The following NEK7 variants were observed in gnomAD, a reference collection of about 807,000 sequenced individuals.
NEK7 encodes the protein NIMA related kinase 7.
Under a neutral mutation model 44.6 loss-of-function variants are expected in NEK7, and 18 were observed. The ratio of observed to expected loss-of-function variants is 0.40; its 90% CI spans 0.28 to 0.60. The LOEUF is 0.60. Ranked by LOEUF, NEK7 falls within the 20% of genes least tolerant of loss-of-function variation. The pLI is 0.38. For missense variants in NEK7, 256 were observed against 366.5 expected (o/e 0.70, Z 2.46); for synonymous variants, 130 against 121.1 (o/e 1.07, Z -0.48).
chr1:198,227,582 T>C (rs966572315), intron 1 of NEK7, among the ~76,000 whole-genome samples: 6 of 152,274 alleles, frequency 3.9e-5, no homozygotes, highest in Admixed American at 6.5e-5. Context: ...GAGATGGTAT[T>C]TCATTGTGGT....
rs59463396 is a variant in NEK7, at chr1:198,271,924, T to TAC, written c.373-6019_373-6018dup. 6.1e-3 allele frequency among the ~76,000 whole-genome samples: 816 copies of TAC among 134,552 alleles called. 3 individuals carry two copies. The highest frequency in any genetic ancestry group is 9.0e-3 in the Admixed American group (116 of 12,850). 88.3% of individuals were successfully genotyped at this position (134,552 alleles called of 152,430 possible). On this transcript the variant is annotated intron_variant, in intron 5 of 9. Transcript: ENST00000367385. ...TATATTTTATATATATATATATATA[T>TAC]ACACACACACACACACACATAGATA...
intron 9 of NEK7, among the ~76,000 whole-genome samples, chr1:198,304,711 C>T (rs946949245): frequency 1.3e-5 from 2 of 152,226 alleles, no homozygotes; most frequent in Middle Eastern, 3.4e-3. Context: ...TTTAATATTT[C>T]TGGTATCAAC....
At chr1:198,250,361 G>A (rs1310565020) in intron 2 of NEK7, among the ~76,000 whole-genome samples, 3 of 126,092 alleles carry the variant, frequency 2.4e-5, no homozygotes, top group East Asian at 4.5e-4. Flanking sequence ...TTGGCGATGC[G>A]GGCTCTTTTT....
intron 3 of NEK7, among the ~76,000 whole-genome samples, chr1:198,257,223 G>C (rs1008114435): frequency 6.6e-6 from 1 of 152,006 alleles, no homozygotes; most frequent in Non-Finnish European, 1.5e-5. Context: ...ATATTGTTCA[G>C]ATTTACCTTT....
At chr1:198,178,162 G>A (rs1664660118) in intron 1 of NEK7, among the ~76,000 whole-genome samples, 1 of 151,956 alleles carries the variant, frequency 6.6e-6, no homozygotes, top group Non-Finnish European at 1.5e-5. Flanking sequence ...AAACACAGAG[G>A]AGTAGCAATA....
intron 7 of NEK7, among the ~76,000 whole-genome samples, chr1:198,285,660 A>G (rs1654344984): frequency 6.6e-6 from 1 of 151,984 alleles, no homozygotes; most frequent in South Asian, 2.1e-4. Flanking sequence ...TCATTGGCCA[A>G]AACAGATCTC....
chr1:198,231,301 GTATATATATATA>G (rs749263549), intron 1 of NEK7, among the ~76,000 whole-genome samples: 1,912 of 86,962 alleles, frequency 0.022, 68 homozygotes, highest in African/African-American at 0.089. Flanking sequence ...ATGTGTGTGT[GTATATATATATA>G]TATATATATA....
At position 198,251,411 on chromosome 1, in the gene NEK7, C is replaced by T. The variant is rs1413864436; in HGVS notation, c.58-1629C>T. Among the ~76,000 whole-genome samples the T allele has an allele frequency of 6.2e-5, 8 of 130,032 alleles. 2 individuals are homozygous for T. In the East Asian group the frequency reaches 4.2e-3, roughly 68 times the overall value. 85.3% of individuals were successfully genotyped at this position (130,032 alleles called of 152,430 possible). ...CTCATAAAATGAGTTAGGGAGGATT[C>T]TCTCTTTTTCTGTTGATTGGAATAG... On this transcript the variant is annotated intron_variant, in intron 2 of 9. Transcript: ENST00000367385.
chr1:198,213,173 G>T (rs1316910567), intron 1 of NEK7, among the ~76,000 whole-genome samples: 1 of 152,204 alleles, frequency 6.6e-6, no homozygotes, highest in Non-Finnish European at 1.5e-5. Flanking sequence ...AGTCATAGAA[G>T]GATTCACAGT....
chr1:198,236,085 G>C (rs1217133825), intron 2 of NEK7, among the ~76,000 whole-genome samples: 3 of 152,020 alleles, frequency 2.0e-5, no homozygotes, highest in Non-Finnish European at 1.5e-5. Context: ...GCATGTTCAG[G>C]GTAGTAATCA....
At chr1:198,255,345 G>C (rs1444870039) in intron 3 of NEK7, among the ~76,000 whole-genome samples, 1 of 152,152 alleles carries the variant, frequency 6.6e-6, no homozygotes, top group East Asian at 1.9e-4. Context: ...TGTCAAGATG[G>C]GAGGTTGGAT....
chr1:198,295,565 A>C (rs1654689632), intron 8 of NEK7, among the ~76,000 whole-genome samples: 1 of 152,116 alleles, frequency 6.6e-6, no homozygotes, highest in Non-Finnish European at 1.5e-5. Flanking sequence ...TCATCTGTCA[A>C]AGCAGGAGAT....
intron 1 of NEK7, among the ~76,000 whole-genome samples, chr1:198,169,165 T>C (rs1490491029): frequency 1.3e-5 from 2 of 152,180 alleles, no homozygotes; most frequent in African/African-American, 4.8e-5. Context: ...ATTAATAGTT[T>C]ATGGATATAA....
intron 2 of NEK7, 118 bp from the exon 3 acceptor site, chr1:198,252,922 G>C: frequency 1.3e-6 from 1 of 780,008 alleles, no homozygotes; most frequent in Non-Finnish European, 2.1e-6. Context: ...GTTGTTGAGT[G>C]AATGGATGTC....
At chr1:198,305,509 G>C (rs1654999201) in intron 9 of NEK7, among the ~76,000 whole-genome samples, 1 of 151,976 alleles carries the variant, frequency 6.6e-6, no homozygotes, top group African/African-American at 2.4e-5. Flanking sequence ...AAAACTTAGA[G>C]GTATTTCTTA....
chr1:198,172,605 G>A (rs554381557), intron 1 of NEK7, among the ~76,000 whole-genome samples: 1 of 152,330 alleles, frequency 6.6e-6, no homozygotes, highest in Non-Finnish European at 1.5e-5. Context: ...GAGACAGTCA[G>A]ATAGGTCCTC....
At chr1:198,290,856 G>A (rs1654531658) in intron 7 of NEK7, among the ~76,000 whole-genome samples, 1 of 152,086 alleles carries the variant, frequency 6.6e-6, no homozygotes, top group Non-Finnish European at 1.5e-5. Context: ...TAAAGTATCA[G>A]TGTTAACTGA....
chr1:198,209,326 TG>T (rs1241130266), intron 1 of NEK7, among the ~76,000 whole-genome samples: 1 of 152,068 alleles, frequency 6.6e-6, no homozygotes, highest in Non-Finnish European at 1.5e-5. Context: ...TGCAAAGTGA[TG>T]TTTTTTATTT....
intron 9 of NEK7, among the ~76,000 whole-genome samples, chr1:198,303,726 A>T (rs769015466): frequency 7.6e-4 from 116 of 152,274 alleles, no homozygotes; most frequent in Non-Finnish European, 1.4e-3. Flanking sequence ...TCCCAAGATT[A>T]TTTAAAAGAA....
Sources: allele counts gnomAD v4.1 joint callset (sites outside exome capture counted in the v4.1 genomes callset), GRCh38; gene constraint gnomAD v4.1.1; transcripts MANE v1.5; gene names NCBI Gene and HGNC (gene_info 2026-07-23, HGNC 2026-07-21).